The following ABCC4 variants were observed in gnomAD, a reference collection of about 807,000 sequenced individuals.
ABCC4 encodes ATP binding cassette subfamily C member 4 (PEL blood group).
In ABCC4, 102 loss-of-function variants were observed where a neutral mutation model predicts 168.5. The observed-to-expected ratio is 0.61, with a 90% CI of 0.52 to 0.71. The LOEUF (loss-of-function observed/expected upper bound fraction) is 0.71. Among genes scored for constraint, ABCC4 ranks in the 30% least tolerant of loss-of-function variants. The pLI is 0.00. For missense variants in ABCC4, 1,402 were observed against 1,605.8 expected (o/e 0.87, Z 2.17); for synonymous variants, 617 against 590.7 (o/e 1.04, Z -0.65).
Position 95,057,756 on chromosome 13 carries a change from A to C in ABCC4, c.3367-4572T>G, listed in dbSNP as rs151282015. ...AGAAACTCGTGCTCCACACAACCCCAGGAAGCCATGCAGGCTAGACTTGCC... is the reference window on the plus strand; with the variant it reads ...AGAAACTCGTGCTCCACACAACCCCCGGAAGCCATGCAGGCTAGACTTGCC... On this transcript the variant is annotated intron_variant, in intron 26 of 30. Coordinates refer to ENST00000645237, the MANE Select transcript of ABCC4 (RefSeq NM_005845.5). Among the ~76,000 whole-genome samples the C allele has an allele frequency of 6.7e-3, 1,025 of 152,368 alleles. 7 individuals are homozygous for C. Among genetic ancestry groups the C allele is most frequent in the Non-Finnish European group, 0.011 (752 of 68,034 alleles).
chr13:95,124,888 T>C (rs1043152094), intron 19 of ABCC4, among the ~76,000 whole-genome samples: 1 of 148,482 alleles, frequency 6.7e-6, no homozygotes, highest in Non-Finnish European at 1.5e-5. Context: ...AAAAAAAAAA[T>C]AAAATAAAAT....
At chr13:95,243,814 A>C (rs1250065416) in intron 3 of ABCC4, among the ~76,000 whole-genome samples, 1 of 151,246 alleles carries the variant, frequency 6.6e-6, no homozygotes, top group East Asian at 2.0e-4. Context: ...GAGCCCAGGG[A>C]GATGGAGGTT....
intron 20 of ABCC4, among the ~76,000 whole-genome samples, chr13:95,112,370 T>C (rs957252760): frequency 6.6e-6 from 1 of 150,868 alleles, no homozygotes; most frequent in African/African-American, 2.4e-5. Context: ...AAAAAGAAAG[T>C]CACATGGATA....
At chr13:95,224,685 C>T (rs566124384) in intron 4 of ABCC4, among the ~76,000 whole-genome samples, 65 of 151,266 alleles carry the variant, frequency 4.3e-4, no homozygotes, top group African/African-American at 1.3e-3. Context: ...TGCAGTGAGC[C>T]GAGATTGTGC....
At chr13:95,255,009 G>A (rs2040358778) in intron 1 of ABCC4, among the ~76,000 whole-genome samples, 1 of 152,146 alleles carries the variant, frequency 6.6e-6, no homozygotes, top group South Asian at 2.1e-4. Context: ...ACGAGTCCAT[G>A]ATATCAACTT....
intron 19 of ABCC4, among the ~76,000 whole-genome samples, chr13:95,124,882 A>G (rs1255435638): frequency 2.6e-5 from 4 of 151,318 alleles, no homozygotes; most frequent in Non-Finnish European, 5.9e-5. Context: ...GATCTCAAAA[A>G]AAAAATAAAA....
intron 17 of ABCC4, 68 bp downstream of exon 17, chr13:95,163,542 C>T: frequency 1.4e-6 from 2 of 1,405,394 alleles, no homozygotes; most frequent in Non-Finnish European, 2.0e-6. Context: ...CTCCCTCTAA[C>T]TCTATGGAAA....
At chr13:95,258,916 TG>T (rs1171340977) in intron 1 of ABCC4, among the ~76,000 whole-genome samples, 6 of 152,266 alleles carry the variant, frequency 3.9e-5, no homozygotes, top group Admixed American at 3.9e-4. Context: ...TAGTTTTCCT[TG>T]AAGAGTCTGC....
At chr13:95,190,262 A>G (rs1435166072) in intron 9 of ABCC4, among the ~76,000 whole-genome samples, 1 of 152,098 alleles carries the variant, frequency 6.6e-6, no homozygotes, top group Non-Finnish European at 1.5e-5. Flanking sequence ...TCCCTTGAGC[A>G]CCGGAGGCTG....
intron 19 of ABCC4, among the ~76,000 whole-genome samples, chr13:95,116,606 TA>T (rs1302938192): frequency 6.6e-6 from 1 of 152,158 alleles, no homozygotes; most frequent in Non-Finnish European, 1.5e-5. Flanking sequence ...TAGTCTTATC[TA>T]AGAACACAAG....
At chr13:95,049,817 C>CAAATAA (rs2032753390) in intron 27 of ABCC4, among the ~76,000 whole-genome samples, 1 of 152,048 alleles carries the variant, frequency 6.6e-6, no homozygotes, top group Non-Finnish European at 1.5e-5. Flanking sequence ...AAATAAAAGG[C>CAAATAA]ATCTTTCCTT....
rs61438342 is a variant in ABCC4, at chr13:95,110,308, C to CAA, written c.2535+5612_2535+5613dup. ...TGGGTGATAGAGCAAGACTCTGTCT[C>CAA]AAAAAAAAAAAAAAAAAATGAGATA... On this transcript the variant is annotated intron_variant, in intron 20 of 30. Coordinates refer to ENST00000645237, the MANE Select transcript of ABCC4 (RefSeq NM_005845.5). Among the ~76,000 whole-genome samples, 526 of 104,378 alleles carry CAA rather than the reference C, an allele frequency of 5.0e-3. 8 individuals carry two copies. The highest frequency in any genetic ancestry group is 0.015 in the Admixed American group (151 of 9,868). The allele number at this position is 104,378 out of a possible 152,430, so 68.5% of individuals were successfully genotyped here.
At chr13:95,036,457 T>A (rs1294579103) in intron 29 of ABCC4, among the ~76,000 whole-genome samples, 1 of 151,382 alleles carries the variant, frequency 6.6e-6, no homozygotes, top group Non-Finnish European at 1.5e-5. Context: ...TGAAAACACA[T>A]GAATGCCACT....
intron 1 of ABCC4, among the ~76,000 whole-genome samples, chr13:95,276,474 A>G (rs1303921481): frequency 6.7e-6 from 1 of 149,466 alleles, no homozygotes; most frequent in African/African-American, 2.4e-5. Flanking sequence ...ACCACTGCAC[A>G]CTAGCCTAGG....
chr13:95,168,015 G>A (rs746621837), intron 14 of ABCC4, among the ~76,000 whole-genome samples: 3 of 152,056 alleles, frequency 2.0e-5, no homozygotes, highest in Non-Finnish European at 2.9e-5. Context: ...CACAGGCAGC[G>A]CCACCAGGCC....
chr13:95,202,638 T>C (rs1181041965), intron 8 of ABCC4, among the ~76,000 whole-genome samples: 1 of 145,174 alleles, frequency 6.9e-6, no homozygotes, highest in Non-Finnish European at 1.5e-5. Context: ...GGGATAAGAA[T>C]GTGCACTTTT....
At chr13:95,110,647 G>A (rs774470054) in intron 20 of ABCC4, among the ~76,000 whole-genome samples, 7 of 152,234 alleles carry the variant, frequency 4.6e-5, no homozygotes, top group Non-Finnish European at 1.0e-4. Flanking sequence ...TCATGATGCT[G>A]GCATTGGTGC....
At position 95,121,361 on chromosome 13, in the gene ABCC4, T is replaced by C. The variant is rs1213310199; in HGVS notation, c.2456-5360A>G. ...CATTCTTTGTATTATTATTGTAGGA[T>C]TATAGAGCTTAAATGGGTGCGAAGG... On this transcript the variant is annotated intron_variant, in intron 19 of 30. Coordinates refer to ENST00000645237, the MANE Select transcript of ABCC4 (RefSeq NM_005845.5). Among the ~76,000 whole-genome samples the C allele has an allele frequency of 2.0e-5, 3 of 152,232 alleles. No homozygotes were observed. In the East Asian group the frequency reaches 5.8e-4, roughly 29 times the overall value.
intron 1 of ABCC4, among the ~76,000 whole-genome samples, chr13:95,292,322 G>A (rs1466395724): frequency 3.3e-5 from 5 of 152,156 alleles, no homozygotes; most frequent in Non-Finnish European, 7.3e-5. Context: ...TCGCACCACT[G>A]CAATCCAGCC....
Sources: gnomAD v4.1 joint callset for allele counts (sites outside exome capture counted in the v4.1 genomes callset) on GRCh38, gnomAD v4.1.1 for gene constraint, MANE v1.5 for transcripts, NCBI Gene and HGNC (gene_info 2026-07-23, HGNC 2026-07-21) for gene names.